The following SMCO4 variants were observed in gnomAD, a reference collection of about 807,000 sequenced individuals.
The protein encoded by SMCO4 is single-pass membrane protein with coiled-coil domains 4.
SMCO4 carries 4 observed loss-of-function variants against 3.6 expected under a neutral mutation model. That is an observed-to-expected ratio of 1.11 (90% CI 0.54 to 2.53). SMCO4 has a LOEUF of 2.53. Ranked by LOEUF, SMCO4 falls within the 30% of genes most tolerant of loss-of-function variation. SMCO4 has a pLI of 0.02. For synonymous variants in SMCO4, 36 were observed against 35.3 expected, an observed-to-expected ratio of 1.02 and a Z score of -0.07; for missense variants, 70 against 80.8, an observed-to-expected ratio of 0.87 and a Z score of 0.51.
At chr11:93,518,033 T>G (rs1302108716) in intron 1 of SMCO4, among the ~76,000 whole-genome samples, 1 of 152,236 alleles carries the variant, frequency 6.6e-6, no homozygotes, top group Non-Finnish European at 1.5e-5. Flanking sequence ...AACTGCCACC[T>G]CTATCTAGTT....
chr11:93,504,864 G>A (rs1948884201), intron 1 of SMCO4, among the ~76,000 whole-genome samples: 1 of 152,162 alleles, frequency 6.6e-6, no homozygotes, highest in Admixed American at 6.5e-5. Context: ...AGAGCAAGGG[G>A]GTGCAGGAAA....
intron 1 of SMCO4, among the ~76,000 whole-genome samples, chr11:93,502,873 AT>A (rs1316190683): frequency 6.6e-6 from 1 of 152,218 alleles, no homozygotes; most frequent in African/African-American, 2.4e-5. Flanking sequence ...CACAAATACA[AT>A]ACTAACAGCT....
chr11:93,488,954 G>A (rs765056903), intron 2 of SMCO4, among the ~76,000 whole-genome samples: 1 of 152,146 alleles, frequency 6.6e-6, no homozygotes, highest in Non-Finnish European at 1.5e-5. Flanking sequence ...CTGAGGAAGG[G>A]GGAGCTGGCC....
chr11:93,547,583 G>A (rs547720576), upstream of SMCO4, among the ~76,000 whole-genome samples: 24 of 152,276 alleles, frequency 1.6e-4, 1 homozygote, highest in South Asian at 3.9e-3. Context: ...AAGGGACTGC[G>A]TTTGCTTGCC....
intron 1 of SMCO4, among the ~76,000 whole-genome samples, chr11:93,509,082 G>A (rs1266195263): frequency 6.6e-6 from 1 of 151,912 alleles, no homozygotes; most frequent in Admixed American, 6.6e-5. Flanking sequence ...TTCAGCCCAG[G>A]AGTTTGAGAC....
At chr11:93,534,313 C>G (rs932723577) in intron 1 of SMCO4, among the ~76,000 whole-genome samples, 1 of 146,820 alleles carries the variant, frequency 6.8e-6, no homozygotes, top group African/African-American at 2.5e-5. Context: ...TACATATATA[C>G]ACATATATAC....
At chr11:93,532,461 G>A (rs563255399) in intron 1 of SMCO4, among the ~76,000 whole-genome samples, 1 of 152,178 alleles carries the variant, frequency 6.6e-6, no homozygotes, top group African/African-American at 2.4e-5. Flanking sequence ...TCCTAGTTCT[G>A]AGGCTTTTAG....
rs537227026 is a variant in SMCO4 at position 93,479,209 on chromosome 11, G to A, written c.-20C>T. 1 of 1,611,236 alleles carries A rather than the reference G, an allele frequency of 6.2e-7. No individual in the cohort carries two copies. The highest frequency in any genetic ancestry group is 1.7e-5 in the Admixed American group (1 of 59,876). ...CCGCATCTTTCCTAGAGGATGCTAG[G>A]AGGGTGTGTCCAGAGGGATTCCAGG... On this transcript the variant is annotated 5_prime_UTR_variant, in exon 3 of 3. Coordinates refer to ENST00000298966, the MANE Select transcript of SMCO4 (RefSeq NM_020179.3).
At chr11:93,528,951 A>C (rs752114261) in intron 1 of SMCO4, among the ~76,000 whole-genome samples, 4 of 152,166 alleles carry the variant, frequency 2.6e-5, no homozygotes, top group Admixed American at 1.3e-4. Flanking sequence ...TGTTGGGGGC[A>C]TGTCAGCAGA....
At chr11:93,529,608 G>C (rs1265857886) in intron 1 of SMCO4, among the ~76,000 whole-genome samples, 1 of 151,896 alleles carries the variant, frequency 6.6e-6, no homozygotes, top group African/African-American at 2.4e-5. Context: ...CACTTCCCCC[G>C]AGCCCTCATT....
At chr11:93,481,519 T>C (rs2134566384) in intron 2 of SMCO4, 2 of 985,280 alleles carry the variant, frequency 2.0e-6, no homozygotes, top group Middle Eastern at 5.2e-4. Context: ...CTAGCTGACA[T>C]ACCAACACCT....
chr11:93,495,514 C>T (rs1302359082), intron 2 of SMCO4, among the ~76,000 whole-genome samples: 1 of 152,140 alleles, frequency 6.6e-6, no homozygotes, highest in Non-Finnish European at 1.5e-5. Flanking sequence ...ATAGGAAAAA[C>T]ATATTTAAAA....
chr11:93,489,379 G>C (rs1338558392), intron 2 of SMCO4, among the ~76,000 whole-genome samples: 2 of 152,204 alleles, frequency 1.3e-5, no homozygotes, highest in Non-Finnish European at 1.5e-5. Flanking sequence ...TCAAAGAAGA[G>C]CATCTGCTTA....
intron 1 of SMCO4, among the ~76,000 whole-genome samples, chr11:93,505,036 C>T (rs1948886065): frequency 6.6e-6 from 1 of 152,186 alleles, no homozygotes; most frequent in Admixed American, 6.5e-5. Flanking sequence ...ACTTATTAAA[C>T]ATGAGGCACT....
At chr11:93,489,145 C>T (rs7116173) in intron 2 of SMCO4, among the ~76,000 whole-genome samples, 32,781 of 151,954 alleles carry the variant, frequency 0.22, 3,947 homozygotes, top group Admixed American at 0.37. Context: ...GAGGCAGTGC[C>T]GGCCTGAAAT....
At chr11:93,480,716 T>A (rs1471818630) in intron 2 of SMCO4, among the ~76,000 whole-genome samples, 1 of 152,132 alleles carries the variant, frequency 6.6e-6, no homozygotes, top group Non-Finnish European at 1.5e-5. Context: ...TGGCCTGTCA[T>A]CATCTTGAGG....
At position 93,512,659 on chromosome 11, in the gene SMCO4, G is replaced by A. The variant is rs114410254; in HGVS notation, c.-153-13311C>T. On this transcript the variant is annotated intron_variant, in intron 1 of 2. Transcript: ENST00000298966. Reference sequence around the variant, plus strand: ...AAAGGTTTGTAGCCTAGGAGCAATAGGCTATAGACACATTGTCTAGGTGTG... The same window carrying A: ...AAAGGTTTGTAGCCTAGGAGCAATAAGCTATAGACACATTGTCTAGGTGTG... 3.4e-3 allele frequency among the ~76,000 whole-genome samples: 522 copies of A among 152,298 alleles called. 2 individuals carry two copies. The highest frequency in any genetic ancestry group is 0.012 in the African/African-American group (508 of 41,566).
At chr11:93,505,517 C>T (rs1009432338) in intron 1 of SMCO4, among the ~76,000 whole-genome samples, 1 of 152,074 alleles carries the variant, frequency 6.6e-6, no homozygotes, top group Non-Finnish European at 1.5e-5. Flanking sequence ...AATGAAAAGG[C>T]CAGACTATGT....
chr11:93,535,701 G>A lies in SMCO4; in HGVS notation c.-154+7575C>T, dbSNP rs1263261909. On this transcript the variant is annotated intron_variant, in intron 1 of 2. Coordinates refer to ENST00000298966, the MANE Select transcript of SMCO4 (RefSeq NM_020179.3). ...TGGTGAGCTCCGAGGAAGTGAATAA[G>A]TTTCAGATGGCTTATTCAAACCTCC... The A allele has an allele frequency of 7.4e-6, 12 of 1,613,716 alleles. No homozygotes were observed. The East Asian group carries it at 2.7e-4, about 36-fold the overall frequency.
Sources: gnomAD v4.1 joint callset for allele counts (sites outside exome capture counted in the v4.1 genomes callset) on GRCh38, gnomAD v4.1.1 for gene constraint, MANE v1.5 for transcripts, NCBI Gene and HGNC (gene_info 2026-07-23, HGNC 2026-07-21) for gene names.